The following ACTR3B variants were observed in gnomAD, a reference collection of about 807,000 sequenced individuals.
ACTR3B encodes the protein actin related protein 3B.
ACTR3B carries 8 observed loss-of-function variants against 59.0 expected under a neutral mutation model. The observed-to-expected ratio is 0.14, with a 90% CI of 0.08 to 0.24. ACTR3B has a LOEUF of 0.24. ACTR3B is among the 10% of genes least tolerant of loss of function. ACTR3B has a pLI of 1.00. For missense variants in ACTR3B, 245 were observed against 552.3 expected (o/e 0.44, Z 5.58); for synonymous variants, 148 against 197.9 (o/e 0.75, Z 2.12).
chr7:152,766,814 TCTCA>T (rs2098111884), intron 1 of ACTR3B, among the ~76,000 whole-genome samples: 1 of 152,046 alleles, frequency 6.6e-6, no homozygotes, highest in African/African-American at 2.4e-5. Context: ...TGAGACAGAG[TCTCA>T]CTCTGTTGCC....
At chr7:152,839,120 G>A (rs1372658251) in intron 9 of ACTR3B, among the ~76,000 whole-genome samples, 2 of 149,640 alleles carry the variant, frequency 1.3e-5, no homozygotes, top group Non-Finnish European at 3.0e-5. Flanking sequence ...CCAGGGCCAG[G>A]TGGGTACCAG....
chr7:152,774,857 A>C (rs1179004890), intron 1 of ACTR3B, among the ~76,000 whole-genome samples: 2 of 152,128 alleles, frequency 1.3e-5, no homozygotes, highest in Non-Finnish European at 2.9e-5. Flanking sequence ...CAATATGGAG[A>C]TTGTGCGTTG....
At chr7:152,811,033 A>AT (rs1401651891) in intron 4 of ACTR3B, 2 of 151,520 alleles carry the variant, frequency 1.3e-5, no homozygotes, top group Non-Finnish European at 2.9e-5. Flanking sequence ...CATAGAGTTC[A>AT]TTTTTTTAAA....
intron 2 of ACTR3B, among the ~76,000 whole-genome samples, chr7:152,786,682 T>TTA (rs2098175782): frequency 6.6e-6 from 1 of 152,090 alleles, no homozygotes; most frequent in South Asian, 2.1e-4. Context: ...AAATGGCACA[T>TTA]TATAGGTTGA....
chr7:152,795,036 CTTTT>C (rs1181143284), intron 2 of ACTR3B, among the ~76,000 whole-genome samples: 1 of 137,750 alleles, frequency 7.3e-6, no homozygotes, highest in African/African-American at 2.6e-5. Flanking sequence ...GTTTCACTCT[CTTTT>C]TTTTTTTTTT....
intron 9 of ACTR3B, 136 bp from the exon 10 acceptor site, chr7:152,851,990 T>C: frequency 8.1e-7 from 1 of 1,227,838 alleles, no homozygotes; most frequent in South Asian, 1.4e-5. Flanking sequence ...TTAAGTTTGC[T>C]TTTGTTCGCA....
intron 2 of ACTR3B, chr7:152,786,452 C>G (rs1427403953): frequency 5.0e-6 from 1 of 199,832 alleles, no homozygotes; most frequent in African/African-American, 2.4e-5. Flanking sequence ...ACTCGTGAGG[C>G]TGAGGCAGGA....
rs150169697 is a variant in ACTR3B, at chr7:152,841,884, G to A, written c.952-10242G>A. Among the ~76,000 whole-genome samples the A allele has an allele frequency of 7.2e-5, 11 of 152,278 alleles. No homozygotes were observed. In the East Asian group the frequency reaches 2.1e-3, roughly 29 times the overall value. ...GGTATTATGTTGCTCTGTTTAAAAGGTTCAACTTTGAGATATAATTTATGT... is the reference window on the plus strand; with the variant it reads ...GGTATTATGTTGCTCTGTTTAAAAGATTCAACTTTGAGATATAATTTATGT... On this transcript the variant is annotated intron_variant, in intron 9 of 11. Coordinates refer to ENST00000256001, the MANE Select transcript of ACTR3B (RefSeq NM_020445.6).
intron 2 of ACTR3B, among the ~76,000 whole-genome samples, chr7:152,798,127 G>A (rs1307401880): frequency 6.6e-6 from 1 of 151,950 alleles, no homozygotes; most frequent in Non-Finnish European, 1.5e-5. Context: ...TTTCCATAAT[G>A]GCTCTACTGA....
chr7:152,793,734 C>T (rs1268701108), intron 2 of ACTR3B, among the ~76,000 whole-genome samples: 1 of 150,670 alleles, frequency 6.6e-6, no homozygotes, highest in African/African-American at 2.4e-5. Context: ...TGGTTTTTGC[C>T]ATGGTGAGAG....
chr7:152,788,947 T>C (rs1378468883), intron 2 of ACTR3B, among the ~76,000 whole-genome samples: 1 of 152,182 alleles, frequency 6.6e-6, no homozygotes, highest in African/African-American at 2.4e-5. Context: ...TGCTTGAACC[T>C]GGGAGTCGAG....
Position 152,854,575 on chromosome 7 carries a change from CG to C in ACTR3B, c.*23del. 1 of 1,608,980 alleles carries C rather than the reference CG, an allele frequency of 6.2e-7. No individual in the cohort carries two copies. Among genetic ancestry groups the C allele is most frequent in the Non-Finnish European group, 8.5e-7 (1 of 1,175,882 alleles). ...CTAGTGTCTGCCTGAACGCGTCGTT[CG>C]ATGGTGTCACGTTGGGGAACAAGTG... On this transcript the variant is annotated 3_prime_UTR_variant, in exon 12 of 12. Coordinates refer to ENST00000256001, the MANE Select transcript of ACTR3B (RefSeq NM_020445.6). The surrounding 1 kb of genome is among the most constrained non-coding windows in gnomAD (Gnocchi z 4.9).
rs754867998 is a variant in ACTR3B, at chr7:152,853,597, G to A, written c.1161+20G>A. 6 of 1,603,994 alleles carry A rather than the reference G, an allele frequency of 3.7e-6. No homozygotes were observed. Among genetic ancestry groups the A allele is most frequent in the African/African-American group, 1.3e-5 (1 of 74,790 alleles). On this transcript the variant is annotated intron_variant, in intron 11 of 11. Transcript: ENST00000256001. ...TCGACTGTAAGTCCCTCTCTCGAGG[G>A]CTCTGTGTCTCCATTCCTGTGCTCT...
chr7:152,849,137 T>C lies in ACTR3B; in HGVS notation c.952-2989T>C, dbSNP rs149577928. On this transcript the variant is annotated intron_variant, in intron 9 of 11. Transcript: ENST00000256001. ...ACAGAGTTTTGAGAAAGCAAACAAG[T>C]ACATAGCAGTGAAACCCCCAGATGA... is the stretch of plus-strand genomic sequence containing the variant. 8.5e-5 allele frequency among the ~76,000 whole-genome samples: 13 copies of C among 152,294 alleles called. No homozygotes were observed. In the East Asian group the frequency reaches 9.6e-4, roughly 11 times the overall value.
intron 11 of ACTR3B, 72 bp downstream of exon 11, chr7:152,853,649 AC>A: frequency 7.5e-7 from 1 of 1,337,192 alleles, no homozygotes; most frequent in East Asian, 2.5e-5. Flanking sequence ...AATACTGTCT[AC>A]GAAGGTGAAA....
intron 9 of ACTR3B, among the ~76,000 whole-genome samples, chr7:152,850,263 T>A (rs1380495525): frequency 1.3e-5 from 2 of 149,144 alleles, no homozygotes; most frequent in Non-Finnish European, 3.0e-5. Context: ...ACTGGTGGCT[T>A]CTCCAGGTAG....
At chr7:152,787,619 A>G (rs1170771441) in intron 2 of ACTR3B, among the ~76,000 whole-genome samples, 2 of 152,136 alleles carry the variant, frequency 1.3e-5, no homozygotes, top group Non-Finnish European at 2.9e-5. Flanking sequence ...GCGGAAGGCT[A>G]GTTGTCCCAA....
chr7:152,778,244 T>A (rs1211504242), intron 1 of ACTR3B, among the ~76,000 whole-genome samples: 1 of 131,436 alleles, frequency 7.6e-6, no homozygotes, highest in African/African-American at 2.8e-5. Context: ...TTTTTTTTTT[T>A]ACTACTTATG....
intron 2 of ACTR3B, among the ~76,000 whole-genome samples, chr7:152,790,177 G>C (rs1590260522): frequency 1.3e-5 from 2 of 152,228 alleles, no homozygotes; most frequent in Non-Finnish European, 2.9e-5. Flanking sequence ...ATTTTTCATA[G>C]AGATGGGGTC....
Sources: gnomAD v4.1 joint callset for allele counts (sites outside exome capture counted in the v4.1 genomes callset) on GRCh38, gnomAD v4.1.1 for gene constraint, Gnocchi (gnomAD v3.1) non-coding constraint, MANE v1.5 for transcripts, NCBI Gene and HGNC (gene_info 2026-07-23, HGNC 2026-07-21) for gene names.